The following FMR1NB variants were observed in gnomAD, a reference collection of about 807,000 sequenced individuals.
FMR1NB encodes the protein FMR1 neighbor protein.
In FMR1NB, 10 loss-of-function variants were observed where a neutral mutation model predicts 16.8. The observed-to-expected ratio is 0.60, with a 90% CI of 0.37 to 1.01. FMR1NB has a LOEUF of 1.01. FMR1NB is among the 50% of genes least tolerant of loss of function. The probability of loss-of-function intolerance (pLI) is 0.01; values close to 1 mark genes in which losing one functional copy is unlikely to be tolerated. For missense variants in FMR1NB, 205 were observed against 204.8 expected, an observed-to-expected ratio of 1.00 and a Z score of 0.00; for synonymous variants, 83 against 79.1, an observed-to-expected ratio of 1.05 and a Z score of -0.26.
chrX:147,983,359 A>C (rs782407815), intron 1 of FMR1NB, among the ~76,000 whole-genome samples: 1 of 112,116 alleles, frequency 8.9e-6, no homozygotes, highest in African/African-American at 3.2e-5. Flanking sequence ...CATCTCCACT[A>C]ACAATGTTTG....
chrX:148,011,699 G>C (rs1557189649), intron 4 of FMR1NB, among the ~76,000 whole-genome samples: 1 of 111,602 alleles, frequency 9.0e-6, no homozygotes, highest in African/African-American at 3.3e-5. Flanking sequence ...CAGATTTGGA[G>C]TAGATAGAGA....
At chrX:148,008,506 C>T (rs2044608118) in intron 3 of FMR1NB, 112 bp from the exon 4 acceptor site, 2 of 635,772 alleles carry the variant, frequency 3.1e-6, no homozygotes, top group Non-Finnish European at 4.8e-6. Flanking sequence ...AAGAATACCT[C>T]CTCATTTCAC....
intron 4 of FMR1NB, among the ~76,000 whole-genome samples, chrX:148,023,127 G>C (rs2044687514): frequency 9.0e-6 from 1 of 111,475 alleles, no homozygotes; most frequent in Non-Finnish European, 1.9e-5. Flanking sequence ...ATGTCATGTA[G>C]TATTCAATAT....
Position 147,985,813 on chromosome X carries a change from T to C in FMR1NB, c.277+4134T>C, listed in dbSNP as rs1210259146. ...TGTGTCTTTATAGTAGAATGACTTATAATCCTTTGGGTATATACCCAGTAA... is the reference window on the plus strand; with the variant it reads ...TGTGTCTTTATAGTAGAATGACTTACAATCCTTTGGGTATATACCCAGTAA... On this transcript the variant is annotated intron_variant, in intron 1 of 5. Coordinates refer to ENST00000370467, the MANE Select transcript of FMR1NB (RefSeq NM_152578.3). 2.7e-5 allele frequency among the ~76,000 whole-genome samples: 3 copies of C among 112,306 alleles called. No homozygotes were observed. The Admixed American group carries it at 2.8e-4, about 11-fold the overall frequency.
At chrX:148,002,286 G>C (rs1226912896) in intron 1 of FMR1NB, among the ~76,000 whole-genome samples, 2 of 111,278 alleles carry the variant, frequency 1.8e-5, no homozygotes, top group African/African-American at 6.5e-5. Flanking sequence ...TAAAACAAAA[G>C]ATATTTTGTT....
intron 4 of FMR1NB, among the ~76,000 whole-genome samples, chrX:148,017,672 A>C (rs1487988161): frequency 1.0e-5 from 1 of 97,840 alleles, no homozygotes; most frequent in East Asian, 3.5e-4. Flanking sequence ...TATATCTCCC[A>C]ATGCTATCCC....
intron 4 of FMR1NB, among the ~76,000 whole-genome samples, chrX:148,020,605 C>T (rs1222458151): frequency 9.0e-6 from 1 of 111,451 alleles, no homozygotes; most frequent in East Asian, 2.9e-4. Context: ...TTTCAGTCAG[C>T]AGGTCCTGCT....
chrX:147,990,099 C>T (rs368759185), intron 1 of FMR1NB, among the ~76,000 whole-genome samples: 6 of 110,504 alleles, frequency 5.4e-5, no homozygotes, highest in Non-Finnish European at 1.1e-4. Flanking sequence ...GAACAGCTGC[C>T]AGTTTTGTGC....
chrX:148,000,071 T>A (rs782685297), intron 1 of FMR1NB, among the ~76,000 whole-genome samples: 1 of 111,561 alleles, frequency 9.0e-6, no homozygotes, highest in South Asian at 3.8e-4. Context: ...GAGTACACAT[T>A]CAAATGTATG....
At chrX:148,016,357 T>C (rs1751197018) in intron 4 of FMR1NB, among the ~76,000 whole-genome samples, 1 of 111,988 alleles carries the variant, frequency 8.9e-6, no homozygotes, top group African/African-American at 3.2e-5. Context: ...AGGTGAAGTG[T>C]GTTTCTTGTA....
At chrX:148,013,697 A>C (rs1392383422) in intron 4 of FMR1NB, among the ~76,000 whole-genome samples, 1 of 111,797 alleles carries the variant, frequency 8.9e-6, no homozygotes, top group Non-Finnish European at 1.9e-5. Context: ...CTTAATTCCA[A>C]ATCCTAAAAT....
intron 3 of FMR1NB, 104 bp downstream of exon 3, chrX:148,006,946 G>A: frequency 1.1e-6 from 1 of 894,696 alleles, no homozygotes; most frequent in Non-Finnish European, 1.5e-6. Flanking sequence ...ACTTAAATGG[G>A]ACTCCCAGTC....
intron 1 of FMR1NB, among the ~76,000 whole-genome samples, chrX:147,989,082 T>C (rs1442934754): frequency 1.8e-5 from 2 of 112,079 alleles, no homozygotes; most frequent in African/African-American, 3.2e-5. Context: ...AGAGGCATTC[T>C]GGTTTTTGGA....
Position 147,984,886 on chromosome X carries a change from T to G in FMR1NB, c.277+3207T>G, listed in dbSNP as rs564034197. Among the ~76,000 whole-genome samples, 11 of 112,034 alleles carry G rather than the reference T, an allele frequency of 9.8e-5. No individual in the cohort carries two copies. The South Asian group carries it at 3.3e-3, about 34-fold the overall frequency. On this transcript the variant is annotated intron_variant, in intron 1 of 5. Coordinates refer to ENST00000370467, the MANE Select transcript of FMR1NB (RefSeq NM_152578.3). The stretch of plus-strand genomic sequence containing the variant: ...TTCTGTTCCTAGTTTGCTGAGTGAT[T>G]TTATTACGACAGGGTTTTAGATTTT...
At chrX:147,987,563 A>C (rs1272672763) in intron 1 of FMR1NB, among the ~76,000 whole-genome samples, 5 of 111,486 alleles carry the variant, frequency 4.5e-5, no homozygotes, top group African/African-American at 1.6e-4. Context: ...TGCTTGGTCC[A>C]GAGCTGAGTT....
intron 4 of FMR1NB, among the ~76,000 whole-genome samples, chrX:148,010,993 G>A (rs2044621045): frequency 1.8e-5 from 2 of 111,580 alleles, no homozygotes; most frequent in African/African-American, 6.5e-5. Flanking sequence ...ACTGACAAGA[G>A]TTGGAGAGCT....
At chrX:147,994,886 A>G (rs781912732) in intron 1 of FMR1NB, among the ~76,000 whole-genome samples, 18 of 112,525 alleles carry the variant, frequency 1.6e-4, no homozygotes, top group Admixed American at 1.4e-3. Context: ...TGCACTTGTT[A>G]TGGGTTGAAT....
chrX:147,992,746 G>C lies in FMR1NB; in HGVS notation c.278-10455G>C, dbSNP rs1387465531. On this transcript the variant is annotated intron_variant, in intron 1 of 5. Coordinates refer to ENST00000370467, the MANE Select transcript of FMR1NB (RefSeq NM_152578.3). ...CTCCTCACCTCCCAGACAGGGTCTCGGCCGGGCAGAGGCGCTCCTCACATC... is the reference window on the plus strand; with the variant it reads ...CTCCTCACCTCCCAGACAGGGTCTCCGCCGGGCAGAGGCGCTCCTCACATC... 3.3e-4 allele frequency among the ~76,000 whole-genome samples: 24 copies of C among 71,761 alleles called. 1 individual carries two copies. Among genetic ancestry groups the C allele is most frequent in the African/African-American group, 1.7e-3 (24 of 14,086 alleles). The allele number at this position is 71,761 out of a possible 115,157, so 62.3% of individuals were successfully genotyped here. A position where few individuals can be genotyped will look rare whatever the true frequency, so the allele number is the denominator to read the frequency against.
intron 1 of FMR1NB, among the ~76,000 whole-genome samples, chrX:147,989,656 G>A (rs1456381522): frequency 2.7e-5 from 3 of 111,961 alleles, no homozygotes; most frequent in African/African-American, 9.8e-5. Context: ...CCAGTGAGAC[G>A]GGAGTTATAT....
Sources: allele counts gnomAD v4.1 joint callset (sites outside exome capture counted in the v4.1 genomes callset), GRCh38; gene constraint gnomAD v4.1.1; transcripts MANE v1.5; gene names NCBI Gene and HGNC (gene_info 2026-07-23, HGNC 2026-07-21).